FBXO33: variants seen among roughly 807,000 people sequenced by gnomAD.
FBXO33 encodes the protein F-box only protein 33.
A neutral mutation model predicts 46.3 loss-of-function variants in FBXO33; 22 were observed. That is an observed-to-expected ratio of 0.48 (90% CI 0.34 to 0.68). The LOEUF (loss-of-function observed/expected upper bound fraction) is 0.68. FBXO33 is among the 30% of genes least tolerant of loss of function. The pLI, the probability that FBXO33 is intolerant of heterozygous loss-of-function variation, is 0.01. For synonymous variants in FBXO33, 337 were observed against 291.3 expected (o/e 1.16, Z -1.60); for missense variants, 692 against 708.8 (o/e 0.98, Z 0.27).
At chr14:39,431,249 C>T (rs548100342) in intron 1 of FBXO33, among the ~76,000 whole-genome samples, 60 of 152,282 alleles carry the variant, frequency 3.9e-4, no homozygotes, top group Non-Finnish European at 7.9e-4. Flanking sequence ...CTTAACGCTC[C>T]CATATATAAA....
In FBXO33 at chr14:39,432,085, C is replaced by G; in HGVS notation, c.78G>C (p.Arg26=). The G allele has an allele frequency of 8.1e-7, 1 of 1,242,198 alleles. No homozygotes were observed. The highest frequency in any genetic ancestry group is 1.0e-6 in the Non-Finnish European group (1 of 995,584). The allele number at this position is 1,242,198 out of a possible 1,614,324, so 76.9% of individuals were successfully genotyped here. A position where few individuals can be genotyped will look rare whatever the true frequency, so the allele number is the denominator to read the frequency against. The change falls in exon 1 of 4, where the codon CGG becomes CGC. Residue 26 remains arginine, a synonymous_variant. Coordinates refer to ENST00000298097, the MANE Select transcript of FBXO33 (RefSeq NM_203301.4). The part of the protein sequence containing the change: ...RTRAGAARVA[R]WRRLRLQQLR... Reference sequence around the variant, plus strand: ...GCTGCTGCAGCCGCAGCCGCCGCCACCGCGCCACCCGGGCGGCCCCGGCTC... The same window carrying G: ...GCTGCTGCAGCCGCAGCCGCCGCCAGCGCGCCACCCGGGCGGCCCCGGCTC...
chr14:39,411,940 T>C (rs1007481625), intron 1 of FBXO33, among the ~76,000 whole-genome samples: 2 of 152,244 alleles, frequency 1.3e-5, no homozygotes, highest in Admixed American at 6.5e-5. Flanking sequence ...ATGATTTCAA[T>C]CTTCTTAAAT....
chr14:39,400,820 C>A (rs2075365185), intron 3 of FBXO33, among the ~76,000 whole-genome samples: 1 of 152,166 alleles, frequency 6.6e-6, no homozygotes, highest in South Asian at 2.1e-4. Context: ...TGAAAGAAAT[C>A]ATACATTCTC....
chr14:39,431,762 C>A lies in FBXO33; in HGVS notation c.401G>T (p.Trp134Leu). Residue 134 changes from tryptophan (W) to leucine (L), a missense_variant, in exon 1 of 4, where the codon TGG (tryptophan) becomes TTG (leucine). Around this residue, in one of 3 missense-constraint regions of FBXO33, gnomAD observed 412 missense variants for 370.8 expected, o/e 1.11. Coordinates refer to ENST00000298097, the MANE Select transcript of FBXO33 (RefSeq NM_203301.4). ...TTCAACACGCAGCTCTCGCACGAACCAGCCGCACTTGCGCATGAGGAATTC... is the reference window on the plus strand; with the variant it reads ...TTCAACACGCAGCTCTCGCACGAACAAGCCGCACTTGCGCATGAGGAATTC... ...RLEFLMRKCG[W>L]FVRELRVEFA... The A allele has an allele frequency of 1.2e-6, 2 of 1,612,956 alleles. No homozygotes were observed. The highest frequency in any genetic ancestry group is 1.7e-6 in the Non-Finnish European group (2 of 1,179,984).
At chr14:39,430,465 T>C (rs1304970398) in intron 1 of FBXO33, among the ~76,000 whole-genome samples, 1 of 152,164 alleles carries the variant, frequency 6.6e-6, no homozygotes, top group Non-Finnish European at 1.5e-5. Context: ...TCAGTATATT[T>C]ACTGCAAAAG....
intron 1 of FBXO33, among the ~76,000 whole-genome samples, chr14:39,417,885 T>C (rs1187712419): frequency 6.6e-6 from 1 of 152,166 alleles, no homozygotes. Context: ...CTTCCTACTC[T>C]GTCATCGTGC....
intron 1 of FBXO33, among the ~76,000 whole-genome samples, chr14:39,418,624 A>C (rs999036395): frequency 1.3e-5 from 2 of 151,076 alleles, no homozygotes; most frequent in Non-Finnish European, 3.0e-5. Context: ...AAATACAAAA[A>C]ATTAGCCAGG....
At chr14:39,406,026 G>A (rs896212373) in intron 1 of FBXO33, among the ~76,000 whole-genome samples, 1 of 151,446 alleles carries the variant, frequency 6.6e-6, no homozygotes, top group Non-Finnish European at 1.5e-5. Flanking sequence ...TTGTGAGAAT[G>A]GCTTCCATAT....
chr14:39,432,060 G>C lies in FBXO33; in HGVS notation c.103C>G (p.Leu35Val), dbSNP rs1416163481. Reference protein sequence around the residue: ...ARWRRLRLQQLRRLRGLLRVL... With the variant: ...ARWRRLRLQQVRRLRGLLRVL... Reference sequence around the variant, plus strand: ...CGGAGCAGCCCCCGCAGCCGTCGCAGCTGCTGCAGCCGCAGCCGCCGCCAC... The same window carrying C: ...CGGAGCAGCCCCCGCAGCCGTCGCACCTGCTGCAGCCGCAGCCGCCGCCAC... The change falls in exon 1 of 4, where the codon CTG becomes GTG. Residue 35 changes from leucine (L) to valine (V), a missense_variant. Leu to Val is a conservative substitution (Grantham distance 32). Coordinates refer to ENST00000298097, the MANE Select transcript of FBXO33 (RefSeq NM_203301.4). The C allele has an allele frequency of 2.5e-6, 3 of 1,204,088 alleles. No individual in the cohort carries two copies. The African/African-American group carries it at 4.7e-5, about 19-fold the overall frequency. 74.6% of individuals were successfully genotyped at this position (1,204,088 alleles called of 1,614,324 possible).
rs1238807996 is a variant in FBXO33 at position 39,399,655 on chromosome 14, A to G, written c.1529T>C (p.Val510Ala). The change falls in exon 4 of 4, where the codon GTG becomes GCG. Residue 510 changes from valine (V) to alanine (A), a missense_variant. Physicochemically the swap from Val to Ala is moderately conservative, Grantham distance 64. This residue lies in a region of FBXO33 where 94 missense variants were observed against 91.9 expected (regional missense o/e 1.02). Transcript: ENST00000298097. ...GGATACCTGCTCAATAAGGTTATGCACTGGATCTACATCCTGGTCGGCCAG... is the reference window on the plus strand; with the variant it reads ...GGATACCTGCTCAATAAGGTTATGCGCTGGATCTACATCCTGGTCGGCCAG... ...GELADQDVDP[V>A]HNLIEQVSLG... 6.2e-7 allele frequency: 1 copy of G among 1,613,940 alleles called. No homozygotes were observed. Among genetic ancestry groups the G allele is most frequent in the Admixed American group, 1.7e-5 (1 of 59,976 alleles).
intron 1 of FBXO33, among the ~76,000 whole-genome samples, chr14:39,417,012 C>T (rs988562916): frequency 6.6e-6 from 1 of 152,114 alleles, no homozygotes; most frequent in Non-Finnish European, 1.5e-5. Context: ...CCCTTTATTC[C>T]TAGTTGTCAC....
chr14:39,401,769 G>C lies in FBXO33; in HGVS notation c.803C>G (p.Ser268Ter). 1 of 1,614,184 alleles carries C rather than the reference G, an allele frequency of 6.2e-7. No individual in the cohort carries two copies. The highest frequency in any genetic ancestry group is 1.1e-5 in the South Asian group (1 of 91,086). Residue 268 changes from serine (S) to a stop codon, truncating the protein, a stop_gained, in exon 3 of 4, where the codon TCA becomes TGA. Coordinates refer to ENST00000298097, the MANE Select transcript of FBXO33 (RefSeq NM_203301.4). LOFTEE classifies it high-confidence loss of function. Reference protein sequence around the residue: ...GFMLEIVTPTSLSSLSNAVAN... With the variant: ...GFMLEIVTPT ...AACAGCATTAGAGAGAGATGACAGT[G>C]ATGTTGGGGTTACTATTTCCAGCAT...
At chr14:39,399,838 T>C in intron 3 of FBXO33, 51 bp from the exon 4 acceptor site, 1 of 1,468,770 alleles carries the variant, frequency 6.8e-7, no homozygotes, top group Non-Finnish European at 9.1e-7. Context: ...TTTCCTTTTC[T>C]CTTTGGTAAG....
chr14:39,401,182 T>C lies in FBXO33; in HGVS notation c.1390A>G (p.Ile464Val), dbSNP rs116555839. The C allele has an allele frequency of 9.5e-5, 150 of 1,574,960 alleles. No homozygotes were observed. The highest frequency in any genetic ancestry group is 3.5e-4 in the African/African-American group (26 of 73,312). ...WRCTKLSLLA[I>V]HGYTVWAHNL... ...AATGAACAAGATCACCTACCATGAA[T>C]TGCCAGAAGAGAGAGCTTTGTGCAC... is the stretch of plus-strand genomic sequence containing the variant. The change falls in exon 3 of 4, where the codon ATT becomes GTT. Residue 464 changes from isoleucine to valine, a missense_variant. Coordinates refer to ENST00000298097, the MANE Select transcript of FBXO33 (RefSeq NM_203301.4).
intron 1 of FBXO33, among the ~76,000 whole-genome samples, chr14:39,419,419 C>A (rs2075468556): frequency 6.6e-6 from 1 of 152,086 alleles, no homozygotes; most frequent in African/African-American, 2.4e-5. Flanking sequence ...AGATTATAGA[C>A]CACATGGTAA....
chr14:39,407,107 A>C (rs894592948), intron 1 of FBXO33, among the ~76,000 whole-genome samples: 17 of 152,226 alleles, frequency 1.1e-4, no homozygotes, highest in Admixed American at 5.2e-4. Flanking sequence ...ATAAAAATCA[A>C]TTGTATTTCT....
At position 39,400,772 on chromosome 14, in the gene FBXO33, C is replaced by T. The variant is rs1006847828; in HGVS notation, c.1396+404G>A. ...GTTAAAAAAATTATATACATTAATA[C>T]TTTGATACCAAGAATCTAAAAGATG... On this transcript the variant is annotated intron_variant, in intron 3 of 3. Transcript: ENST00000298097. Among the ~76,000 whole-genome samples the T allele has an allele frequency of 2.6e-5, 4 of 152,128 alleles. No homozygotes were observed. In the South Asian group the frequency reaches 6.2e-4, roughly 24 times the overall value.
At chr14:39,427,123 C>A (rs10145518) in intron 1 of FBXO33, among the ~76,000 whole-genome samples, 27,893 of 152,192 alleles carry the variant, frequency 0.18, 2,598 homozygotes, top group Middle Eastern at 0.29. Context: ...GATATTTAAT[C>A]ACTCCACTCA....
intron 1 of FBXO33, among the ~76,000 whole-genome samples, chr14:39,415,198 G>T (rs1312647589): frequency 2.0e-5 from 3 of 152,172 alleles, no homozygotes; most frequent in African/African-American, 7.2e-5. Context: ...ACTCTGGGAA[G>T]CCAAGGTGAG....
Sources: gnomAD v4.1 joint callset for allele counts (sites outside exome capture counted in the v4.1 genomes callset) on GRCh38, gnomAD v4.1.1 for gene constraint, gnomAD v4.1.1 regional missense constraint, MANE v1.5 for transcripts, NCBI Gene and HGNC (gene_info 2026-07-23, HGNC 2026-07-21) for gene names.